Variants in P3H2 observed in about 807,000 individuals in gnomAD.
P3H2 encodes the protein leprecan-like 1.
Under a neutral mutation model 87.0 loss-of-function variants are expected in P3H2, and 80 were observed. That is an observed-to-expected ratio of 0.92 (90% confidence interval 0.77 to 1.11). The LOEUF (loss-of-function observed/expected upper bound fraction) is 1.11. P3H2 is among the 50% of genes least tolerant of loss of function. P3H2 has a pLI of 0.00. For synonymous variants in P3H2, 367 were observed against 359.3 expected (o/e 1.02, Z -0.24); for missense variants, 1,001 against 923.9 (o/e 1.08, Z -1.08).
At position 190,041,068 on chromosome 3, in the gene P3H2, ACACACACACACACTCTCT is replaced by A. The variant is rs1725603920; in HGVS notation, c.481-45644_481-45627del. On this transcript the variant is annotated intron_variant, in intron 1 of 14. Transcript: ENST00000319332. ...CACACACACACACACACACACACAC[ACACACACACACACTCTCT>A]CTCTCTATATATATATATATACTAT... 5.8e-5 allele frequency among the ~76,000 whole-genome samples: 3 copies of A among 51,708 alleles called. 1 individual carries two copies. The highest frequency in any genetic ancestry group is 7.0e-4 in the South Asian group (1 of 1,428). 33.9% of individuals were successfully genotyped at this position (51,708 alleles called of 152,430 possible). A position where few individuals can be genotyped will look rare whatever the true frequency, so the allele number is the denominator to read the frequency against.
At chr3:189,966,244 G>A (rs1380891570) in intron 13 of P3H2, among the ~76,000 whole-genome samples, 2 of 152,066 alleles carry the variant, frequency 1.3e-5, no homozygotes, top group Non-Finnish European at 2.9e-5. Context: ...GGTTTTCTGG[G>A]CTGCCCACTC....
At chr3:190,101,949 A>G (rs1215331510) in intron 1 of P3H2, among the ~76,000 whole-genome samples, 1 of 152,122 alleles carries the variant, frequency 6.6e-6, no homozygotes, top group Non-Finnish European at 1.5e-5. Flanking sequence ...CCCAAATCCT[A>G]GGGCCCTTAA....
chr3:189,974,327 G>A (rs1201148635), intron 9 of P3H2: 1 of 624,150 alleles, frequency 1.6e-6, no homozygotes, highest in Admixed American at 2.9e-5. Flanking sequence ...TTGCTAGATG[G>A]CTGTTGGGCT....
Position 190,117,640 on chromosome 3 carries a change from G to C in P3H2, c.480+2612C>G, listed in dbSNP as rs1546793. On this transcript the variant is annotated intron_variant, in intron 1 of 14. Coordinates refer to ENST00000319332, the MANE Select transcript of P3H2 (RefSeq NM_018192.4). ...GCTCCAGGATGTTCTTTTATTATTT[G>C]AGAGGTTTTTTTTTTTTTTTTCAGT... Among the ~76,000 whole-genome samples, 971 of 146,702 alleles carry C rather than the reference G, an allele frequency of 6.6e-3. 4 individuals carry two copies. The highest frequency in any genetic ancestry group is 0.014 in the Admixed American group (216 of 14,934).
chr3:190,002,500 G>C (rs1441698387), intron 1 of P3H2, among the ~76,000 whole-genome samples: 3 of 150,862 alleles, frequency 2.0e-5, no homozygotes, highest in Non-Finnish European at 4.4e-5. Flanking sequence ...TCCTGGGTTC[G>C]AGCAATTCTC....
chr3:190,026,575 G>A (rs1725092136), intron 1 of P3H2, among the ~76,000 whole-genome samples: 1 of 152,184 alleles, frequency 6.6e-6, no homozygotes. Context: ...AAAAAGCGGA[G>A]GCAGGAATAA....
chr3:189,972,408 T>C (rs1041200793), intron 11 of P3H2, among the ~76,000 whole-genome samples: 3 of 152,058 alleles, frequency 2.0e-5, no homozygotes, highest in African/African-American at 7.2e-5. Context: ...ACATCATTAT[T>C]CCCCCCGCCC....
At chr3:190,026,539 C>T (rs536874275) in intron 1 of P3H2, among the ~76,000 whole-genome samples, 26 of 151,938 alleles carry the variant, frequency 1.7e-4, no homozygotes, top group African/African-American at 6.3e-4. Context: ...GCCGTGACAA[C>T]CTCAGGAAGT....
chr3:190,099,555 A>G (rs543967666), intron 1 of P3H2, among the ~76,000 whole-genome samples: 4 of 152,212 alleles, frequency 2.6e-5, no homozygotes, highest in Non-Finnish European at 5.9e-5. Context: ...TTTAATTCAC[A>G]ATATTGTGTA....
At position 189,995,556 on chromosome 3, in the gene P3H2, G is replaced by GGTTTT. The variant is rs10645374; in HGVS notation, c.481-115_481-114insAAAAC. 4,059 of 834,790 alleles carry GGTTTT rather than the reference G, an allele frequency of 4.9e-3. 36 individuals carry two copies. Among genetic ancestry groups the GGTTTT allele is most frequent in the Non-Finnish European group, 5.5e-3 (3,075 of 559,894 alleles). 51.7% of individuals were successfully genotyped at this position (834,790 alleles called of 1,614,324 possible). A position where few individuals can be genotyped will look rare whatever the true frequency, so the allele number is the denominator to read the frequency against. On this transcript the variant is annotated intron_variant, in intron 1 of 14. Transcript: ENST00000319332. ...TTTAAGAATGAAACTAGGAGCCTTG[G>GGTTTT]TTTTTTTTTTTTTTATCAGACAGGC...
At position 189,983,815 on chromosome 3, in the gene P3H2, T is replaced by C. The variant is rs965713613; in HGVS notation, c.1230-675A>G. On this transcript the variant is annotated intron_variant, in intron 7 of 14. Transcript: ENST00000319332. ...CTTGTCAGGGCCTCAGGTTCCCAAT[T>C]TGAAAATGAATAAGCTGGACCATGT... is the stretch of plus-strand genomic sequence containing the variant. 8.5e-5 allele frequency among the ~76,000 whole-genome samples: 13 copies of C among 152,272 alleles called. No individual in the cohort carries two copies. In the East Asian group the frequency reaches 2.5e-3, roughly 29 times the overall value.
intron 1 of P3H2, among the ~76,000 whole-genome samples, chr3:190,119,852 A>AGG (rs63249460): frequency 2.7e-5 from 1 of 37,182 alleles, no homozygotes; most frequent in South Asian, 6.5e-4. Context: ...GAGAGGAGAC[A>AGG]AAAGAAATGG....
chr3:189,982,372 T>TA (rs1723563841), intron 8 of P3H2, among the ~76,000 whole-genome samples: 1 of 152,242 alleles, frequency 6.6e-6, no homozygotes, highest in Non-Finnish European at 1.5e-5. Flanking sequence ...CTGTTAGTAT[T>TA]ACTATTGCTA....
At chr3:190,011,224 G>C (rs1225275359) in intron 1 of P3H2, among the ~76,000 whole-genome samples, 1 of 148,016 alleles carries the variant, frequency 6.8e-6, no homozygotes, top group African/African-American at 2.5e-5. Context: ...AGTGAGCCGA[G>C]ATTGCGCCAC....
intron 1 of P3H2, among the ~76,000 whole-genome samples, chr3:190,076,957 C>T (rs1726893538): frequency 1.3e-5 from 2 of 152,196 alleles, no homozygotes; most frequent in South Asian, 4.1e-4. Flanking sequence ...GGTTTACACA[C>T]AGTACCATCT....
chr3:190,007,965 C>CACACACACACACACACACACATATAT, intron 1 of P3H2, among the ~76,000 whole-genome samples: 11 of 94,356 alleles, frequency 1.2e-4, no homozygotes, highest in African/African-American at 3.9e-4. Context: ...TGTTGACACA[C>CACACACACACACACACACACATATAT]ATATATATAT....
At chr3:190,111,227 G>C (rs760183962) in intron 1 of P3H2, among the ~76,000 whole-genome samples, 2 of 152,182 alleles carry the variant, frequency 1.3e-5, no homozygotes, top group African/African-American at 4.8e-5. Context: ...TTATTTCAGG[G>C]TCTCTTTCAT....
intron 6 of P3H2, among the ~76,000 whole-genome samples, chr3:189,984,811 C>T (rs923427946): frequency 6.7e-4 from 102 of 152,112 alleles, no homozygotes; most frequent in Middle Eastern, 3.4e-3. Context: ...AAATACAAGT[C>T]GAGTTTTCAA....
Position 190,092,336 on chromosome 3 carries a change from G to A in P3H2, c.480+27916C>T, listed in dbSNP as rs1727434439. Among the ~76,000 whole-genome samples, 6 of 152,254 alleles carry A rather than the reference G, an allele frequency of 3.9e-5. No individual in the cohort carries two copies. The South Asian group carries it at 1.2e-3, about 32-fold the overall frequency. ...AAGGGCCATGTACTCAGGGCAAGTA[G>A]TTTATACTAAAATAACCCCAATGCC... On this transcript the variant is annotated intron_variant, in intron 1 of 14. Coordinates refer to ENST00000319332, the MANE Select transcript of P3H2 (RefSeq NM_018192.4).
Sources: allele counts gnomAD v4.1 joint callset (sites outside exome capture counted in the v4.1 genomes callset), GRCh38; gene constraint gnomAD v4.1.1; transcripts MANE v1.5; gene names NCBI Gene and HGNC (gene_info 2026-07-23, HGNC 2026-07-21).